Variants in TOR1B observed in about 807,000 individuals in gnomAD.
TOR1B encodes the protein torsin-1B.
A neutral mutation model predicts 29.2 loss-of-function variants in TOR1B; 14 were observed. That is an observed-to-expected ratio of 0.48 (90% CI 0.32 to 0.75). The LOEUF is 0.75. TOR1B is among the 30% of genes least tolerant of loss of function. TOR1B has a pLI of 0.04. For missense variants in TOR1B, 400 were observed against 433.9 expected (o/e 0.92, Z 0.69); for synonymous variants, 166 against 179.8 (o/e 0.92, Z 0.62).
At position 129,804,204 on chromosome 9, in the gene TOR1B, G is replaced by A. The variant is rs759187621; in HGVS notation, c.331G>A (p.Ala111Thr). The change falls in exon 2 of 5, where the codon GCT becomes ACT. Residue 111 changes from alanine (A) to threonine (T), a missense_variant. Physicochemically the swap from Ala to Thr is moderately conservative, Grantham distance 58 (BLOSUM62 0). Coordinates refer to ENST00000259339, the MANE Select transcript of TOR1B (RefSeq NM_014506.3). ...ACTGACCCTTTCCTTACACGGCTGG[G>A]CTGGCACAGGCAAGAATTTTGTCAG... ...KPLTLSLHGW[A>T]GTGKNFVSQI... is the part of the protein sequence containing the mutation. 3.1e-6 allele frequency: 5 copies of A among 1,614,066 alleles called. No individual in the cohort carries two copies. In the Admixed American group the frequency reaches 5.0e-5, roughly 16 times the overall value.
rs1331757140 is a variant in TOR1B, at chr9:129,803,350, C to T, written c.138C>T (p.Tyr46=). 2 of 1,588,098 alleles carry T rather than the reference C, an allele frequency of 1.3e-6. No individual in the cohort carries two copies. The highest frequency in any genetic ancestry group is 1.7e-6 in the Non-Finnish European group (2 of 1,170,792). The part of the protein sequence containing the change: ...AASAITGYLS[Y]NDIYCRFAEC... ...CGGCCATCACCGGCTACCTGTCCTA[C>T]AATGACATCTACTGCCGCTTCGCCG... The change falls in exon 1 of 5, where the codon TAC becomes TAT. Residue 46 remains tyrosine (Y), a synonymous_variant. Transcript: ENST00000259339.
At chr9:129,803,435 GGTC>G (rs1396187123) in intron 1 of TOR1B, 24 bp downstream of exon 1, 4 of 1,465,136 alleles carry the variant, frequency 2.7e-6, no homozygotes, top group Non-Finnish European at 3.6e-6. Flanking sequence ...GCGAGCTGTG[GGTC>G]GGCGCTGCGG....
chr9:129,804,038 C>A (rs373023378), intron 1 of TOR1B, 35 bp from the exon 2 acceptor site: 3 of 1,609,978 alleles, frequency 1.9e-6, no homozygotes, highest in Non-Finnish European at 2.5e-6. Context: ...TTTTTAAGGT[C>A]TGTTTCTCTC....
In TOR1B at chr9:129,810,335, C is replaced by CTA. The variant is rs1588212228; in HGVS notation, c.*753_*754insAT. 2 of 1,183,886 alleles carry CTA rather than the reference C, an allele frequency of 1.7e-6. No homozygotes were observed. Among genetic ancestry groups the CTA allele is most frequent in the East Asian group, 1.3e-4 (2 of 15,828 alleles). The allele number at this position is 1,183,886 out of a possible 1,614,324, so 73.3% of individuals were successfully genotyped here. ...CCGAGCACTCTTGATCTGAGCTGAC[C>CTA]TGTGTGTGTGTGTGTGGGGGGGTGG... On this transcript the variant is annotated 3_prime_UTR_variant, in exon 5 of 5. Transcript: ENST00000259339.
Position 129,803,330 on chromosome 9 carries a change from A to G in TOR1B, c.118A>G (p.Ile40Val), listed in dbSNP as rs1225872788. ...VGLAIGAASA[I>V]TGYLSYNDIY... ...CCTAGCCATCGGGGCCGCGTCGGCCATCACCGGCTACCTGTCCTACAATGA... is the reference window on the plus strand; with the variant it reads ...CCTAGCCATCGGGGCCGCGTCGGCCGTCACCGGCTACCTGTCCTACAATGA... Residue 40 changes from isoleucine to valine, a missense_variant, in exon 1 of 5, where the codon ATC becomes GTC. Transcript: ENST00000259339. The G allele has an allele frequency of 6.3e-7, 1 of 1,591,520 alleles. No homozygotes were observed. The highest frequency in any genetic ancestry group is 8.5e-7 in the Non-Finnish European group (1 of 1,172,516).
rs553185576 is a variant in TOR1B at position 129,809,254 on chromosome 9, C to T, written c.770-88C>T. 1.5e-4 allele frequency: 245 copies of T among 1,588,244 alleles called. 1 individual carries two copies. In the African/African-American group the frequency reaches 2.3e-3, roughly 15 times the overall value. The stretch of plus-strand genomic sequence containing the variant: ...TGACAAGAGACTCTCTCAAGGGGTA[C>T]GGACATGAGGAATGTGCTGAGGGTC... On this transcript the variant is annotated intron_variant, in intron 4 of 4. Transcript: ENST00000259339.
intron 2 of TOR1B, among the ~76,000 whole-genome samples, chr9:129,806,212 A>G (rs2030475099): frequency 6.6e-6 from 1 of 152,194 alleles, no homozygotes; most frequent in Non-Finnish European, 1.5e-5. Flanking sequence ...TGTTTGCCCA[A>G]CAAACTGACG....
chr9:129,808,248 A>G (rs1302349018), intron 3 of TOR1B, among the ~76,000 whole-genome samples: 1 of 152,080 alleles, frequency 6.6e-6, no homozygotes, highest in African/African-American at 2.4e-5. Flanking sequence ...CTGTAATCCT[A>G]GCACTTTGGG....
Position 129,803,387 on chromosome 9 carries a change from G to C in TOR1B, c.175G>C (p.Glu59Gln). Residue 59 changes from glutamate (E) to glutamine (Q), a missense_variant, in exon 1 of 5, where the codon GAG (glutamate) becomes CAG (glutamine). Coordinates refer to ENST00000259339, the MANE Select transcript of TOR1B (RefSeq NM_014506.3). The part of the protein sequence containing the change: ...IYCRFAECCR[E>Q]ERPLNASALK... ...CTGCCGCTTCGCCGAGTGCTGCCGCGAGGAGCGGCCGCTCAACGCTTCGGG... is the reference window on the plus strand; with the variant it reads ...CTGCCGCTTCGCCGAGTGCTGCCGCCAGGAGCGGCCGCTCAACGCTTCGGG... 6.4e-7 allele frequency: 1 copy of C among 1,552,254 alleles called. No homozygotes were observed. The highest frequency in any genetic ancestry group is 8.7e-7 in the Non-Finnish European group (1 of 1,152,844).
chr9:129,806,637 G>A (rs2030496071), intron 2 of TOR1B, among the ~76,000 whole-genome samples: 1 of 152,174 alleles, frequency 6.6e-6, no homozygotes, highest in Non-Finnish European at 1.5e-5. Context: ...AGCACTTTGG[G>A]AGGGTGAGGT....
intron 3 of TOR1B, among the ~76,000 whole-genome samples, chr9:129,808,326 C>T (rs973891813): frequency 2.0e-5 from 3 of 151,764 alleles, no homozygotes; most frequent in African/African-American, 7.3e-5. Flanking sequence ...GGTGAAACCC[C>T]GTGTCTACTA....
intron 2 of TOR1B, among the ~76,000 whole-genome samples, chr9:129,805,560 C>G (rs997364194): frequency 2.6e-5 from 4 of 152,246 alleles, no homozygotes; most frequent in Non-Finnish European, 4.4e-5. Flanking sequence ...TAGCCACCTT[C>G]TCTGGTGAGT....
Position 129,804,076 on chromosome 9 carries a change from T to G in TOR1B, c.203T>G (p.Leu68Arg). ...REERPLNASA[L>R]KLDLEEKLFG... ...TGTTCTGGGGCTGTTCTTGCAGCTC[T>G]CAAGCTGGATTTGGAGGAGAAGCTG... is the stretch of plus-strand genomic sequence containing the variant. Residue 68 changes from leucine to arginine, a missense_variant, in exon 2 of 5, where the codon CTC becomes CGC. Physicochemically the swap from Leu to Arg is moderately radical, Grantham distance 102. Transcript: ENST00000259339. 6.2e-7 allele frequency: 1 copy of G among 1,614,088 alleles called. No individual in the cohort carries two copies. Among genetic ancestry groups the G allele is most frequent in the Non-Finnish European group, 8.5e-7 (1 of 1,179,944 alleles).
Position 129,810,372 on chromosome 9 carries a change from A to G in TOR1B, c.*789A>G, listed in dbSNP as rs543552355. The G allele has an allele frequency of 4.3e-3, 5,376 of 1,255,038 alleles. 24 individuals are homozygous for G. Among genetic ancestry groups the G allele is most frequent in the Non-Finnish European group, 5.4e-3 (5,217 of 966,220 alleles). 77.7% of individuals were successfully genotyped at this position (1,255,038 alleles called of 1,614,324 possible). On this transcript the variant is annotated 3_prime_UTR_variant, in exon 5 of 5. Transcript: ENST00000259339. ...GTGTGGGGGGGTGGGGCCTTCACCT[A>G]AGACCTCTGCAGCAGACCTGGACAG...
Position 129,810,355 on chromosome 9 carries a change from G to C in TOR1B, c.*772G>C, listed in dbSNP as rs1015515190. 3.4e-4 allele frequency: 357 copies of C among 1,058,070 alleles called. 7 individuals carry two copies. The highest frequency in any genetic ancestry group is 4.2e-4 in the Non-Finnish European group (330 of 794,702). 65.5% of individuals were successfully genotyped at this position (1,058,070 alleles called of 1,614,324 possible). A position where few individuals can be genotyped will look rare whatever the true frequency, so the allele number is the denominator to read the frequency against. ...CTGACCTGTGTGTGTGTGTGTGGGG[G>C]GGTGGGGCCTTCACCTAAGACCTCT... On this transcript the variant is annotated 3_prime_UTR_variant, in exon 5 of 5. Transcript: ENST00000259339.
chr9:129,809,915 C>T lies in TOR1B; in HGVS notation c.*332C>T, dbSNP rs542028304. 1.6e-5 allele frequency: 20 copies of T among 1,221,124 alleles called. No individual in the cohort carries two copies. Among genetic ancestry groups the T allele is most frequent in the African/African-American group, 3.1e-5 (2 of 64,430 alleles). The allele number at this position is 1,221,124 out of a possible 1,614,324, so 75.6% of individuals were successfully genotyped here. A position where few individuals can be genotyped will look rare whatever the true frequency, so the allele number is the denominator to read the frequency against. On this transcript the variant is annotated 3_prime_UTR_variant, in exon 5 of 5. Coordinates refer to ENST00000259339, the MANE Select transcript of TOR1B (RefSeq NM_014506.3). ...TTGTGGAAAACACGTGAATCTATTGCGCGCATTTGTCATTTAGCAAGATGG... is the reference window on the plus strand; with the variant it reads ...TTGTGGAAAACACGTGAATCTATTGTGCGCATTTGTCATTTAGCAAGATGG...
chr9:129,808,982 T>C lies in TOR1B; in HGVS notation c.719T>C (p.Leu240Pro), dbSNP rs1460986896. 1.2e-6 allele frequency: 2 copies of C among 1,614,158 alleles called. No homozygotes were observed. The highest frequency in any genetic ancestry group is 1.7e-6 in the Non-Finnish European group (2 of 1,180,030). ...GGAAGAAAGAGGGAAGACATTCAGC[T>C]GAAGGACCTGGAACCTGTACTGTCT... ...RAGRKREDIQ[L>P]KDLEPVLSVG... The change falls in exon 4 of 5, where the codon CTG becomes CCG. Residue 240 changes from leucine (L) to proline (P), a missense_variant. Leu to Pro is a moderately conservative substitution (Grantham distance 98, BLOSUM62 -3). Transcript: ENST00000259339.
chr9:129,804,349 C>T lies in TOR1B; in HGVS notation c.465+11C>T. On this transcript the variant is annotated intron_variant, in intron 2 of 4. Coordinates refer to ENST00000259339, the MANE Select transcript of TOR1B (RefSeq NM_014506.3). ...ATAAAACTGTACCAGGCAAGAGAAC[C>T]CGCTATTATCTCGTCTGCAGGCCAG... 1 of 1,607,304 alleles carries T rather than the reference C, an allele frequency of 6.2e-7. No homozygotes were observed. Among genetic ancestry groups the T allele is most frequent in the South Asian group, 1.1e-5 (1 of 91,004 alleles).
Position 129,809,795 on chromosome 9 carries a change from C to T in TOR1B, c.*212C>T, listed in dbSNP as rs952570987. On this transcript the variant is annotated 3_prime_UTR_variant, in exon 5 of 5. Coordinates refer to ENST00000259339, the MANE Select transcript of TOR1B (RefSeq NM_014506.3). ...CTCAACTCACTGCAACCTCCGCTCC[C>T]GGTTTGAGTGATTCTCATGCCTCAG... 56 of 1,394,190 alleles carry T rather than the reference C, an allele frequency of 4.0e-5. No homozygotes were observed. The highest frequency in any genetic ancestry group is 1.4e-4 in the South Asian group (9 of 64,558). 86.4% of individuals were successfully genotyped at this position (1,394,190 alleles called of 1,614,324 possible).
Sources: allele counts gnomAD v4.1 joint callset (sites outside exome capture counted in the v4.1 genomes callset), GRCh38; gene constraint gnomAD v4.1.1; transcripts MANE v1.5; gene names NCBI Gene and HGNC (gene_info 2026-07-23, HGNC 2026-07-21).